GPR63: variants seen among roughly 807,000 people sequenced by gnomAD.
GPR63 encodes the protein G protein-coupled receptor 63.
A neutral mutation model predicts 23.1 loss-of-function variants in GPR63; 12 were observed. The observed-to-expected ratio is 0.52, with a 90% confidence interval of 0.33 to 0.84. The LOEUF (loss-of-function observed/expected upper bound fraction) is 0.84. GPR63 is among the 40% of genes least tolerant of loss of function. The pLI, the probability that GPR63 is intolerant of heterozygous loss-of-function variation, is 0.02. For synonymous variants in GPR63, 172 were observed against 191.1 expected (o/e 0.90, Z 0.82); for missense variants, 472 against 515.6 (o/e 0.92, Z 0.82).
At chr6:96,815,339 T>C (rs1774137502) in intron 1 of GPR63, among the ~76,000 whole-genome samples, 2 of 152,234 alleles carry the variant, frequency 1.3e-5, no homozygotes, top group Admixed American at 6.5e-5. Context: ...TTGGAATGGC[T>C]CTGATTCTAC....
In GPR63 at chr6:96,794,901, C is replaced by G. The variant is rs557150280; in HGVS notation, c.*3571G>C. The G allele has an allele frequency of 2.6e-5, 4 of 152,328 alleles. No homozygotes were observed. In the South Asian group the frequency reaches 6.2e-4, roughly 24 times the overall value. The allele number at this position is 152,328 out of a possible 1,614,324, so 9.4% of individuals were successfully genotyped here. On this transcript the variant is annotated 3_prime_UTR_variant, in exon 2 of 2. Coordinates refer to ENST00000229955, the MANE Select transcript of GPR63 (RefSeq NM_030784.4). ...AGCACAAACACAGGTGGCAGCAAAT[C>G]AGGCACAATGTTGTGTGGATTTTCC...
rs1773648577 is a variant in GPR63 at position 96,798,423 on chromosome 6, A to G, written c.*49T>C. ...GAGAGGCTATGAGAAAGAGAATTCAATGTCAATAAAGAACAAGCATCACCC... is the reference window on the plus strand; with the variant it reads ...GAGAGGCTATGAGAAAGAGAATTCAGTGTCAATAAAGAACAAGCATCACCC... On this transcript the variant is annotated 3_prime_UTR_variant, in exon 2 of 2. Transcript: ENST00000229955. 3.2e-6 allele frequency: 5 copies of G among 1,571,156 alleles called. No individual in the cohort carries two copies. Among genetic ancestry groups the G allele is most frequent in the African/African-American group, 1.4e-5 (1 of 73,476 alleles).
At chr6:96,816,751 T>C (rs1774175499) in intron 1 of GPR63, among the ~76,000 whole-genome samples, 1 of 151,952 alleles carries the variant, frequency 6.6e-6, no homozygotes, top group South Asian at 2.1e-4. Flanking sequence ...AAGAGGCAGC[T>C]GAAATGCTGG....
At chr6:96,811,272 G>A (rs1046220637) in intron 1 of GPR63, among the ~76,000 whole-genome samples, 10 of 152,134 alleles carry the variant, frequency 6.6e-5, no homozygotes, top group South Asian at 2.1e-4. Flanking sequence ...ATCCCCTAAC[G>A]GATAAACAGA....
intron 1 of GPR63, among the ~76,000 whole-genome samples, chr6:96,834,157 G>A (rs977104249): frequency 6.6e-6 from 1 of 152,156 alleles, no homozygotes; most frequent in African/African-American, 2.4e-5. Flanking sequence ...TTTATCCTAT[G>A]TGTCAAACTT....
intron 1 of GPR63, among the ~76,000 whole-genome samples, chr6:96,805,820 G>T (rs547190103): frequency 7.9e-5 from 12 of 152,336 alleles, no homozygotes; most frequent in African/African-American, 2.9e-4. Flanking sequence ...GGACTTGCAA[G>T]AAGAAGGTGA....
chr6:96,823,957 T>G (rs1211969695), intron 1 of GPR63, among the ~76,000 whole-genome samples: 2 of 152,114 alleles, frequency 1.3e-5, no homozygotes, highest in Admixed American at 1.3e-4. Flanking sequence ...ACTATGACGT[T>G]AACACAATGA....
rs746295476 is a variant in GPR63, at chr6:96,799,083, T to C, written c.649A>G (p.Asn217Asp). The change falls in exon 2 of 2, where the codon AAC (asparagine) becomes GAC (aspartate). Residue 217 changes from asparagine to aspartate, a missense_variant. Transcript: ENST00000229955. ...FCVAFPLAVGNPDLQIPSRAP... is the reference protein window; with the variant it reads ...FCVAFPLAVGDPDLQIPSRAP... ...CGGGAAGGTATCTGCAGGTCGGGGT[T>C]TCCTACGGCTAAAGGAAAAGCTACA... The C allele has an allele frequency of 5.0e-6, 8 of 1,614,054 alleles. No individual in the cohort carries two copies. The highest frequency in any genetic ancestry group is 6.8e-6 in the Non-Finnish European group (8 of 1,180,048).
chr6:96,813,497 T>C (rs1202193052), intron 1 of GPR63, among the ~76,000 whole-genome samples: 1 of 152,252 alleles, frequency 6.6e-6, no homozygotes, highest in Non-Finnish European at 1.5e-5. Flanking sequence ...TATTGATTTC[T>C]ACTTTTATTC....
chr6:96,805,082 A>AT (rs1342456916), intron 1 of GPR63, among the ~76,000 whole-genome samples: 9 of 152,086 alleles, frequency 5.9e-5, no homozygotes, highest in African/African-American at 1.7e-4. Flanking sequence ...ATTTGTTGGC[A>AT]TTTAAATATA....
intron 1 of GPR63, among the ~76,000 whole-genome samples, chr6:96,812,203 AG>A (rs1774062884): frequency 6.6e-6 from 1 of 152,310 alleles, no homozygotes; most frequent in Admixed American, 6.5e-5. Context: ...ATAAAGCTAA[AG>A]GAAAAAATGC....
intron 1 of GPR63, among the ~76,000 whole-genome samples, chr6:96,814,572 G>A (rs540807963): frequency 1.5e-4 from 23 of 152,268 alleles, no homozygotes; most frequent in South Asian, 6.2e-4. Context: ...AACCCAGGGC[G>A]TCCGGCTCCA....
rs900968656 is a variant in GPR63 at position 96,837,260 on chromosome 6, C to A, written c.-151+8G>T. The A allele has an allele frequency of 9.2e-5, 14 of 152,496 alleles. No homozygotes were observed. The highest frequency in any genetic ancestry group is 3.4e-4 in the African/African-American group (14 of 41,460). 9.4% of individuals were successfully genotyped at this position (152,496 alleles called of 1,614,324 possible). On this transcript the variant is annotated splice_region_variant and intron_variant, in intron 1 of 1. Transcript: ENST00000229955. The stretch of plus-strand genomic sequence containing the variant: ...ATCGCGGGCCGGGGATCCCGAGCCT[C>A]ACCTCACCTCAAGCGAAGGGCAGCG...
At chr6:96,802,751 G>C (rs1582248818) in intron 1 of GPR63, among the ~76,000 whole-genome samples, 1 of 151,104 alleles carries the variant, frequency 6.6e-6, no homozygotes, top group Non-Finnish European at 1.5e-5. Context: ...GTTTCACCTG[G>C]TTTGCCAGGA....
chr6:96,803,720 G>A (rs1201656233), intron 1 of GPR63, among the ~76,000 whole-genome samples: 1 of 152,184 alleles, frequency 6.6e-6, no homozygotes, highest in African/African-American at 2.4e-5. Context: ...ATTGTCACCT[G>A]AAGTTTCTTT....
At chr6:96,819,735 C>CAAA (rs199823591) in intron 1 of GPR63, among the ~76,000 whole-genome samples, 1 of 141,622 alleles carries the variant, frequency 7.1e-6, no homozygotes, top group Non-Finnish European at 1.5e-5. Flanking sequence ...AAAAAAAAAA[C>CAAA]AAAAAAACAA....
At chr6:96,807,885 A>G (rs1447814949) in intron 1 of GPR63, among the ~76,000 whole-genome samples, 1 of 152,174 alleles carries the variant, frequency 6.6e-6, no homozygotes, top group Non-Finnish European at 1.5e-5. Context: ...CTGCTATAAT[A>G]TCCATTTTAA....
chr6:96,813,982 A>G (rs1774102937), intron 1 of GPR63, among the ~76,000 whole-genome samples: 1 of 152,216 alleles, frequency 6.6e-6, no homozygotes, highest in Non-Finnish European at 1.5e-5. Context: ...TTTGAAATGT[A>G]GGATATAAAA....
At position 96,794,950 on chromosome 6, in the gene GPR63, T is replaced by C. The variant is rs190690221; in HGVS notation, c.*3522A>G. The C allele has an allele frequency of 1.1e-3, 166 of 152,316 alleles. 1 individual carries two copies. Among genetic ancestry groups the C allele is most frequent in the African/African-American group, 3.9e-3 (161 of 41,570 alleles). 9.4% of individuals were successfully genotyped at this position (152,316 alleles called of 1,614,324 possible). A position where few individuals can be genotyped will look rare whatever the true frequency, so the allele number is the denominator to read the frequency against. On this transcript the variant is annotated 3_prime_UTR_variant, in exon 2 of 2. Transcript: ENST00000229955. The stretch of plus-strand genomic sequence containing the variant: ...CCTCTCAATGTGGATTACCCATGCC[T>C]AGAAGATAATGGCTTGCAACACGAA...
Sources: allele counts gnomAD v4.1 joint callset (sites outside exome capture counted in the v4.1 genomes callset), GRCh38; gene constraint gnomAD v4.1.1; transcripts MANE v1.5; gene names NCBI Gene and HGNC (gene_info 2026-07-23, HGNC 2026-07-21).